Variants in BAALC observed in about 807,000 individuals in gnomAD.
BAALC encodes BAALC binder of MAP3K1 and KLF4, also known as brain and acute leukemia cytoplasmic protein.
Under a neutral mutation model 15.5 loss-of-function variants are expected in BAALC, and 9 were observed. The ratio of observed to expected loss-of-function variants is 0.58; its 90% CI spans 0.35 to 1.02. The LOEUF (loss-of-function observed/expected upper bound fraction) is 1.02. Ranked by LOEUF, BAALC falls within the 50% of genes least tolerant of loss-of-function variation. The probability of loss-of-function intolerance (pLI) is 0.02; values close to 1 mark genes in which losing one functional copy is unlikely to be tolerated. For synonymous variants in BAALC, 80 were observed against 74.6 expected, an observed-to-expected ratio of 1.07 and a Z score of -0.37; for missense variants, 201 against 192.4, an observed-to-expected ratio of 1.04 and a Z score of -0.27.
chr8:103,181,480 G>T (rs372920824), intron 1 of BAALC, among the ~76,000 whole-genome samples: 29 of 152,134 alleles, frequency 1.9e-4, no homozygotes, highest in African/African-American at 6.7e-4. Context: ...CACCATGTTA[G>T]CCAGGATGGT....
chr8:103,182,201 A>G (rs142028288), intron 1 of BAALC, among the ~76,000 whole-genome samples: 4 of 152,248 alleles, frequency 2.6e-5, no homozygotes, highest in Non-Finnish European at 5.9e-5. Context: ...CAACATCTCA[A>G]CTCTACATTT....
At chr8:103,192,114 C>T (rs1324374107) in intron 1 of BAALC, among the ~76,000 whole-genome samples, 5 of 152,112 alleles carry the variant, frequency 3.3e-5, no homozygotes, top group Admixed American at 6.5e-5. Context: ...TGCAATGGTG[C>T]GATCTCAGCT....
chr8:103,221,417 A>G (rs1170483503), intron 2 of BAALC, among the ~76,000 whole-genome samples: 1 of 152,152 alleles, frequency 6.6e-6, no homozygotes, highest in Non-Finnish European at 1.5e-5. Context: ...GCTGCATGAG[A>G]AAAAGGTGCT....
chr8:103,190,296 C>T (rs1811936818), intron 1 of BAALC, among the ~76,000 whole-genome samples: 1 of 151,980 alleles, frequency 6.6e-6, no homozygotes, highest in Non-Finnish European at 1.5e-5. Flanking sequence ...CTTCCTGAAT[C>T]TCTCCCTCAC....
chr8:103,165,572 A>G (rs1299533104), intron 1 of BAALC: 1 of 152,208 alleles, frequency 6.6e-6, no homozygotes, highest in Non-Finnish European at 1.5e-5. Context: ...ATCAAGACCC[A>G]AGAGTTTCAC....
Position 103,179,862 on chromosome 8 carries a change from G to A in BAALC, c.161-33057G>A, listed in dbSNP as rs77124872. On this transcript the variant is annotated intron_variant, in intron 1 of 2. Coordinates refer to ENST00000309982, the MANE Select transcript of BAALC (RefSeq NM_024812.3). ...AGTGCAGGCTGAGGATGAAGGCTGT[G>A]ATGGCCTTAGAGTCTCAGGGATAAG... Among the ~76,000 whole-genome samples, 948 of 152,364 alleles carry A rather than the reference G, an allele frequency of 6.2e-3. 7 individuals carry two copies. Among genetic ancestry groups the A allele is most frequent in the African/African-American group, 0.022 (913 of 41,578 alleles).
chr8:103,174,174 C>A (rs1811557548), intron 1 of BAALC, among the ~76,000 whole-genome samples: 1 of 151,916 alleles, frequency 6.6e-6, no homozygotes, highest in Non-Finnish European at 1.5e-5. Context: ...ATTCTGCCGG[C>A]CTCCCCCATC....
At chr8:103,212,027 C>T (rs1317180845) in intron 1 of BAALC, among the ~76,000 whole-genome samples, 1 of 152,232 alleles carries the variant, frequency 6.6e-6, no homozygotes, top group Non-Finnish European at 1.5e-5. Context: ...CCTTTATTAA[C>T]TCCTCAGTGT....
At chr8:103,152,830 T>C (rs1811013945) in intron 1 of BAALC, among the ~76,000 whole-genome samples, 1 of 152,146 alleles carries the variant, frequency 6.6e-6, no homozygotes, top group Non-Finnish European at 1.5e-5. Context: ...TGCTCTGCCA[T>C]CCTTAGTGTG....
intron 1 of BAALC, among the ~76,000 whole-genome samples, chr8:103,205,522 A>C (rs1372265581): frequency 6.7e-6 from 1 of 150,348 alleles, no homozygotes; most frequent in Admixed American, 6.6e-5. Flanking sequence ...GTTGATCTCT[A>C]TGTCAGATAG....
chr8:103,148,419 G>T (rs950634446), intron 1 of BAALC, among the ~76,000 whole-genome samples: 6 of 152,190 alleles, frequency 3.9e-5, no homozygotes, highest in Admixed American at 2.6e-4. Context: ...GTAGGTGTAT[G>T]TATGCATGGA....
chr8:103,218,166 A>G (rs1406667323), intron 2 of BAALC, among the ~76,000 whole-genome samples: 3 of 152,166 alleles, frequency 2.0e-5, no homozygotes, highest in Non-Finnish European at 2.9e-5. Context: ...TTCATGTCCC[A>G]TCAAACAAAC....
At chr8:103,191,837 T>C (rs1811974722) in intron 1 of BAALC, among the ~76,000 whole-genome samples, 1 of 152,142 alleles carries the variant, frequency 6.6e-6, no homozygotes, top group Non-Finnish European at 1.5e-5. Flanking sequence ...AAGAAAAAAG[T>C]AAGCTTAAAC....
At chr8:103,161,443 T>C (rs578179147) in intron 1 of BAALC, among the ~76,000 whole-genome samples, 1 of 152,322 alleles carries the variant, frequency 6.6e-6, no homozygotes, top group South Asian at 2.1e-4. Flanking sequence ...ATCCCAGATA[T>C]CACTTCAAAG....
intron 1 of BAALC, among the ~76,000 whole-genome samples, chr8:103,203,622 C>T (rs370766206): frequency 1.3e-5 from 2 of 152,238 alleles, no homozygotes; most frequent in African/African-American, 4.8e-5. Flanking sequence ...ATAACCACTA[C>T]TTTTCTATCT....
rs1344255544 is a variant in BAALC, at chr8:103,183,597, T to C, written c.161-29322T>C. The C allele has an allele frequency of 1.1e-5, 7 of 626,676 alleles. 1 individual carries two copies. The highest frequency in any genetic ancestry group is 1.1e-4 in the South Asian group (6 of 53,936). The allele number at this position is 626,676 out of a possible 1,614,324, so 38.8% of individuals were successfully genotyped here. On this transcript the variant is annotated intron_variant, in intron 1 of 2. Coordinates refer to ENST00000309982, the MANE Select transcript of BAALC (RefSeq NM_024812.3). ...TGTCATGAAGCATATTTTCCGGCAG[T>C]GGGTGGACACTCAGGCTTCAGTATG...
chr8:103,170,575 T>A (rs1235735428), intron 1 of BAALC, among the ~76,000 whole-genome samples: 1 of 152,128 alleles, frequency 6.6e-6, no homozygotes, highest in African/African-American at 2.4e-5. Flanking sequence ...CAAGGAACAC[T>A]ACGGACTGTC....
intron 1 of BAALC, among the ~76,000 whole-genome samples, chr8:103,204,093 CT>C (rs951183721): frequency 2.0e-5 from 3 of 152,060 alleles, no homozygotes; most frequent in South Asian, 2.1e-4. Context: ...TATTCTGTAT[CT>C]TTTTTTTATT....
At chr8:103,218,236 G>A (rs544942386) in intron 2 of BAALC, among the ~76,000 whole-genome samples, 11 of 151,920 alleles carry the variant, frequency 7.2e-5, no homozygotes, top group Non-Finnish European at 1.6e-4. Context: ...GTGTTAATAG[G>A]TGTTAACTGG....
Sources: gnomAD v4.1 joint callset for allele counts (sites outside exome capture counted in the v4.1 genomes callset) on GRCh38, gnomAD v4.1.1 for gene constraint, MANE v1.5 for transcripts, NCBI Gene and HGNC (gene_info 2026-07-23, HGNC 2026-07-21) for gene names.